The following MTOR variants were observed in gnomAD, a reference collection of about 807,000 sequenced individuals.
The protein encoded by MTOR is serine/threonine-protein kinase mTOR.
MTOR carries 70 observed loss-of-function variants against 319.8 expected under a neutral mutation model. The ratio of observed to expected loss-of-function variants is 0.22; its 90% confidence interval spans 0.18 to 0.27. The LOEUF is 0.27. MTOR is among the 10% of genes least tolerant of loss of function. MTOR has a pLI of 1.00. For missense variants in MTOR, 1,890 were observed against 3,274.4 expected (o/e 0.58, Z 10.32); for synonymous variants, 1,183 against 1,211.4 (o/e 0.98, Z 0.49).
chr1:11,163,081 T>C (rs1644529553), intron 29 of MTOR, among the ~76,000 whole-genome samples: 1 of 151,830 alleles, frequency 6.6e-6, no homozygotes, highest in Non-Finnish European at 1.5e-5. Flanking sequence ...AATAAAGGGA[T>C]GGAGGAAGAT....
At chr1:11,141,261 G>A (rs985345937) in intron 34 of MTOR, among the ~76,000 whole-genome samples, 6 of 151,962 alleles carry the variant, frequency 3.9e-5, no homozygotes, top group African/African-American at 9.7e-5. Context: ...GACTATGGGC[G>A]CACATCACAT....
chr1:11,212,972 C>G lies in MTOR; in HGVS notation c.3286-64G>C. The G allele has an allele frequency of 7.7e-7, 1 of 1,299,604 alleles. No individual in the cohort carries two copies. The highest frequency in any genetic ancestry group is 1.1e-6 in the Non-Finnish European group (1 of 897,466). 80.5% of individuals were successfully genotyped at this position (1,299,604 alleles called of 1,614,324 possible). ...GTCCCAAGTATCTAAGGACACGCAG[C>G]GGGTGGTGGTGTAGACAATTCAAAG... is the stretch of plus-strand genomic sequence containing the variant. On this transcript the variant is annotated intron_variant, in intron 21 of 57. Transcript: ENST00000361445. The surrounding 1 kb of genome is among the most constrained non-coding windows in gnomAD (Gnocchi z 4.1).
Position 11,107,428 on chromosome 1 carries a change from A to G in MTOR, c.*57T>C. 2 of 1,585,500 alleles carry G rather than the reference A, an allele frequency of 1.3e-6. No individual in the cohort carries two copies. On this transcript the variant is annotated 3_prime_UTR_variant, in exon 58 of 58. Coordinates refer to ENST00000361445, the MANE Select transcript of MTOR (RefSeq NM_004958.4). ...ACCATGGTTTCAGTTTAGTGGAAGC[A>G]TTTACTAAAGTACAAAAGCCTCAGA...
At chr1:11,248,189 C>G in intron 6 of MTOR, 95 bp from the exon 7 acceptor site, 4 of 1,303,574 alleles carry the variant, frequency 3.1e-6, no homozygotes, top group Non-Finnish European at 4.2e-6. Context: ...TTGCCTAATC[C>G]CGAAACGCAA....
chr1:11,108,134 G>A, intron 57 of MTOR, 47 bp downstream of exon 57: 1 of 1,496,106 alleles, frequency 6.7e-7, no homozygotes, highest in South Asian at 1.1e-5. Context: ...CTAGGCTTGG[G>A]ACCTGATTGC....
chr1:11,217,414 C>CA (rs201063654), intron 19 of MTOR, among the ~76,000 whole-genome samples: 1,768 of 148,982 alleles, frequency 0.012, 45 homozygotes, highest in African/African-American at 0.041. Context: ...TTTTTTGAGA[C>CA]AGAGTCTCAC....
chr1:11,181,096 G>C (rs1174009175), intron 28 of MTOR, among the ~76,000 whole-genome samples: 1 of 152,162 alleles, frequency 6.6e-6, no homozygotes, highest in Admixed American at 6.5e-5. Context: ...GTTTTTATGG[G>C]GACATGTTAC....
intron 28 of MTOR, chr1:11,192,325 G>A (rs1207395459): frequency 6.2e-7 from 1 of 1,614,084 alleles, no homozygotes. Flanking sequence ...TCTCTGGAGT[G>A]TATAAGCTTC....
chr1:11,236,213 T>C (rs1238058738), intron 13 of MTOR, among the ~76,000 whole-genome samples: 1 of 150,586 alleles, frequency 6.6e-6, no homozygotes, highest in Non-Finnish European at 1.5e-5. Context: ...CACGGCTCAC[T>C]GCATCCACAA....
intron 6 of MTOR, among the ~76,000 whole-genome samples, chr1:11,251,999 T>C (rs558326378): frequency 1.3e-5 from 2 of 152,188 alleles, no homozygotes; most frequent in African/African-American, 4.8e-5. Context: ...CCACTATGTA[T>C]TAGGTGCTGT....
chr1:11,120,370 C>G (rs1642450878), intron 49 of MTOR, among the ~76,000 whole-genome samples: 1 of 152,076 alleles, frequency 6.6e-6, no homozygotes, highest in African/African-American at 2.4e-5. Context: ...GAAACCCTGT[C>G]TCTACTAAGA....
rs551484361 is a variant in MTOR, at chr1:11,215,102, T to C, written c.3117+1046A>G. Among the ~76,000 whole-genome samples, 62 of 152,230 alleles carry C rather than the reference T, an allele frequency of 4.1e-4. 1 individual carries two copies. The highest frequency in any genetic ancestry group is 1.3e-4 in the Non-Finnish European group (9 of 68,036). On this transcript the variant is annotated intron_variant, in intron 20 of 57. Transcript: ENST00000361445. ...TTTTGCAGGTGTGAGGCTCCCTGCC[T>C]CAATTCCCTGTGTTTTGGTCATCAA...
rs762151622 is a variant in MTOR, at chr1:11,127,657, G to T, written c.6183C>A (p.Gly2061=). The change falls in exon 44 of 58, where the codon GGC becomes GGA. Residue 2061 remains glycine (G), a synonymous_variant. Transcript: ENST00000361445. The surrounding 1 kb of genome is among the most constrained non-coding windows in gnomAD (Gnocchi z 5.5). ...AGGATGTTTCCTTCAGAGTCTGGGG[G>T]CCCCGTTCCATCATAGCATGCAAGG... ...LEPLHAMMER[G]PQTLKETSFN... 6.2e-7 allele frequency: 1 copy of T among 1,613,852 alleles called. No homozygotes were observed. Among genetic ancestry groups the T allele is most frequent in the South Asian group, 1.1e-5 (1 of 91,060 alleles).
chr1:11,224,465 C>A (rs1271452502), intron 19 of MTOR, among the ~76,000 whole-genome samples: 1 of 151,938 alleles, frequency 6.6e-6, no homozygotes, highest in Non-Finnish European at 1.5e-5. Flanking sequence ...AAAAGCCCAC[C>A]AATGTAAAGG....
chr1:11,108,294 A>G lies in MTOR; in HGVS notation c.7529-8T>C. The G allele has an allele frequency of 1.2e-6, 2 of 1,609,096 alleles. No homozygotes were observed. The highest frequency in any genetic ancestry group is 1.7e-4 in the Middle Eastern group (1 of 6,044). Reference sequence around the variant, plus strand: ...CATGAGAGAAGTCCCGACCTAGCACAGGAGGAACAAAAACATTTCACTCTC... The same window carrying G: ...CATGAGAGAAGTCCCGACCTAGCACGGGAGGAACAAAAACATTTCACTCTC... On this transcript the variant is annotated splice_region_variant and splice_polypyrimidine_tract_variant and intron_variant, in intron 56 of 57. Coordinates refer to ENST00000361445, the MANE Select transcript of MTOR (RefSeq NM_004958.4).
At chr1:11,124,430 C>G (rs2100380133) in intron 47 of MTOR, 68 bp downstream of exon 47, 1 of 1,567,974 alleles carries the variant, frequency 6.4e-7, no homozygotes. Context: ...TACATGACTA[C>G]ACGAGACAAA....
At chr1:11,217,804 C>T (rs1250157406) in intron 19 of MTOR, among the ~76,000 whole-genome samples, 1 of 151,814 alleles carries the variant, frequency 6.6e-6, no homozygotes, top group African/African-American at 2.4e-5. Flanking sequence ...TCACTCCTAT[C>T]CACATGCAAG....
chr1:11,110,627 C>G (rs1348717913), intron 54 of MTOR, among the ~76,000 whole-genome samples: 1 of 152,070 alleles, frequency 6.6e-6, no homozygotes, highest in Non-Finnish European at 1.5e-5. Context: ...AACTCTTGAC[C>G]TCAGGTGATC....
chr1:11,195,855 G>C (rs1189524654), intron 28 of MTOR: 2 of 152,320 alleles, frequency 1.3e-5, no homozygotes, highest in African/African-American at 4.8e-5. Flanking sequence ...ACTGAAGGTA[G>C]ATGGTGTTAT....
Sources: allele counts gnomAD v4.1 joint callset (sites outside exome capture counted in the v4.1 genomes callset), GRCh38; gene constraint gnomAD v4.1.1; non-coding constraint Gnocchi (gnomAD v3.1); transcripts MANE v1.5; gene names NCBI Gene and HGNC (gene_info 2026-07-23, HGNC 2026-07-21).